The following LRP1B variants were observed in gnomAD, a reference collection of about 807,000 sequenced individuals.
LRP1B encodes LDL receptor related protein 1B, also known as low-density lipoprotein receptor-related protein 1B.
Under a neutral mutation model 556.6 loss-of-function variants are expected in LRP1B, and 217 were observed. That is an observed-to-expected ratio of 0.39 (90% confidence interval 0.35 to 0.44). The LOEUF is 0.44. Ranked by LOEUF, LRP1B falls within the 20% of genes least tolerant of loss-of-function variation. LRP1B has a pLI of 1.00. For missense variants in LRP1B, 5,053 were observed against 5,620.8 expected (o/e 0.90, Z 3.23); for synonymous variants, 2,047 against 1,865.8 (o/e 1.10, Z -2.50).
At chr2:140,271,698 CAG>C (rs1226634040) in intron 85 of LRP1B, among the ~76,000 whole-genome samples, 1 of 151,790 alleles carries the variant, frequency 6.6e-6, no homozygotes, top group Non-Finnish European at 1.5e-5. Flanking sequence ...TACAGGTAAA[CAG>C]AACAAGACAT....
chr2:141,414,877 C>A (rs4954905), intron 3 of LRP1B, among the ~76,000 whole-genome samples: 3 of 152,218 alleles, frequency 2.0e-5, no homozygotes, highest in African/African-American at 2.4e-5. Context: ...AATCAATGTG[C>A]ATGCACATAT....
intron 1 of LRP1B, among the ~76,000 whole-genome samples, chr2:142,024,618 A>AT (rs1389307510): frequency 4.0e-4 from 18 of 45,202 alleles, no homozygotes; most frequent in East Asian, 1.7e-3. Flanking sequence ...ATCAGCTGAA[A>AT]TGTTTTTTTT....
At chr2:140,852,437 C>A (rs2105123921) in intron 27 of LRP1B, among the ~76,000 whole-genome samples, 1 of 152,212 alleles carries the variant, frequency 6.6e-6, no homozygotes, top group East Asian at 1.9e-4. Flanking sequence ...AGACTATAAC[C>A]CAGACATTGG....
chr2:141,282,106 T>C (rs1202934523), intron 3 of LRP1B, among the ~76,000 whole-genome samples: 1 of 152,056 alleles, frequency 6.6e-6, no homozygotes, highest in Non-Finnish European at 1.5e-5. Flanking sequence ...CTTGAAAAAG[T>C]AACTGAACCA....
intron 45 of LRP1B, among the ~76,000 whole-genome samples, chr2:140,538,301 A>G (rs1195189236): frequency 6.6e-6 from 1 of 152,062 alleles, no homozygotes; most frequent in African/African-American, 2.4e-5. Context: ...CTGAGGTTTA[A>G]GATATGATTG....
intron 62 of LRP1B, among the ~76,000 whole-genome samples, chr2:140,455,630 A>T (rs1687070843): frequency 6.6e-6 from 1 of 152,126 alleles, no homozygotes; most frequent in Admixed American, 6.6e-5. Flanking sequence ...CATGTATGAT[A>T]CTCCTAAATC....
Position 141,642,095 on chromosome 2 carries a change from G to A in LRP1B, c.206-161562C>T, listed in dbSNP as rs192468694. Among the ~76,000 whole-genome samples the A allele has an allele frequency of 1.7e-3, 264 of 152,124 alleles. 3 individuals carry two copies. Among genetic ancestry groups the A allele is most frequent in the Admixed American group, 0.016 (240 of 15,270 alleles). ...CTTGTTATATGACCGTAGATTTAAC[G>A]AAGCTCATTTTTAAAAATATGCATC... On this transcript the variant is annotated intron_variant, in intron 2 of 90. Transcript: ENST00000389484.
chr2:141,616,358 G>T (rs1287351100), intron 2 of LRP1B, among the ~76,000 whole-genome samples: 2 of 151,524 alleles, frequency 1.3e-5, no homozygotes, highest in African/African-American at 4.8e-5. Context: ...AATATGTTAG[G>T]CAATGAAAAC....
chr2:140,450,464 G>A, intron 63 of LRP1B, 104 bp downstream of exon 63: 3 of 844,466 alleles, frequency 3.6e-6, no homozygotes, highest in Middle Eastern at 2.2e-4. Flanking sequence ...TTTCAATTTT[G>A]GAAAAGTGTC....
At chr2:141,096,622 G>A (rs1012593394) in intron 7 of LRP1B, among the ~76,000 whole-genome samples, 55 of 39,318 alleles carry the variant, frequency 1.4e-3, no homozygotes, top group South Asian at 7.2e-3. Context: ...CAAAGACGGG[G>A]AGAGGGGGAG....
At chr2:141,053,201 G>A (rs1332209863) in intron 10 of LRP1B, among the ~76,000 whole-genome samples, 1 of 151,906 alleles carries the variant, frequency 6.6e-6, no homozygotes, top group African/African-American at 2.4e-5. Context: ...CAAGGGTAGT[G>A]GATTTCATTT....
chr2:140,951,803 C>T lies in LRP1B; in HGVS notation c.2968+57G>A, dbSNP rs2105302517. On this transcript the variant is annotated intron_variant, in intron 19 of 90. Transcript: ENST00000389484. The stretch of plus-strand genomic sequence containing the variant: ...GTACCTCTGAAGAAAGCCAGGCAGT[C>T]CAGACCGCCAAGCCCCCGATCAAAT... 2 of 1,387,096 alleles carry T rather than the reference C, an allele frequency of 1.4e-6. 1 individual carries two copies. The highest frequency in any genetic ancestry group is 2.4e-5 in the South Asian group (2 of 84,420). The allele number at this position is 1,387,096 out of a possible 1,614,324, so 85.9% of individuals were successfully genotyped here. A position where few individuals can be genotyped will look rare whatever the true frequency, so the allele number is the denominator to read the frequency against.
At chr2:140,941,489 G>A (rs1002947796) in intron 20 of LRP1B, among the ~76,000 whole-genome samples, 1 of 152,126 alleles carries the variant, frequency 6.6e-6, no homozygotes, top group African/African-American at 2.4e-5. Context: ...AAGCAAGGGA[G>A]CATAACTGTG....
intron 67 of LRP1B, among the ~76,000 whole-genome samples, chr2:140,385,147 A>G (rs1279983891): frequency 6.6e-6 from 1 of 152,102 alleles, no homozygotes; most frequent in East Asian, 1.9e-4. Context: ...TGGAAGGTTG[A>G]GGTGGGAGGA....
chr2:141,913,936 T>TG (rs1161699472), intron 1 of LRP1B, among the ~76,000 whole-genome samples: 1 of 151,964 alleles, frequency 6.6e-6, no homozygotes, highest in Non-Finnish European at 1.5e-5. Flanking sequence ...TTAGTAGAGA[T>TG]GGGGTTTCAC....
At chr2:140,997,944 T>C (rs1029215584) in intron 15 of LRP1B, among the ~76,000 whole-genome samples, 1 of 152,058 alleles carries the variant, frequency 6.6e-6, no homozygotes, top group African/African-American at 2.4e-5. Flanking sequence ...AAGTGGTACA[T>C]AATCTTCTGT....
chr2:140,649,434 A>G (rs1006757394), intron 41 of LRP1B, among the ~76,000 whole-genome samples: 7 of 152,218 alleles, frequency 4.6e-5, no homozygotes, highest in Non-Finnish European at 1.0e-4. Context: ...TGAAGTGTTC[A>G]TTCAATCCCA....
chr2:140,294,871 GTTAT>G (rs770317302), intron 84 of LRP1B, among the ~76,000 whole-genome samples: 1 of 151,972 alleles, frequency 6.6e-6, no homozygotes, highest in Non-Finnish European at 1.5e-5. Flanking sequence ...GATAATTAGT[GTTAT>G]TTATTTATGC....
intron 43 of LRP1B, among the ~76,000 whole-genome samples, chr2:140,571,022 C>T (rs1681303071): frequency 6.6e-6 from 1 of 151,522 alleles, no homozygotes; most frequent in Non-Finnish European, 1.5e-5. Flanking sequence ...GCATAAAGGC[C>T]ATATATGACA....
Sources: allele counts gnomAD v4.1 joint callset (sites outside exome capture counted in the v4.1 genomes callset), GRCh38; gene constraint gnomAD v4.1.1; transcripts MANE v1.5; gene names NCBI Gene and HGNC (gene_info 2026-07-23, HGNC 2026-07-21).